The following NRXN3 variants were observed in gnomAD, a reference collection of about 807,000 sequenced individuals.
The protein encoded by NRXN3 is neurexin 3.
A neutral mutation model predicts 137.6 loss-of-function variants in NRXN3; 32 were observed. The observed-to-expected ratio is 0.23, with a 90% confidence interval of 0.18 to 0.31. The LOEUF is 0.31. NRXN3 is among the 10% of genes least tolerant of loss of function. The probability of loss-of-function intolerance (pLI) is 1.00; values close to 1 mark genes in which losing one functional copy is unlikely to be tolerated. For missense variants in NRXN3, 1,574 were observed against 2,062.5 expected (o/e 0.76, Z 4.59); for synonymous variants, 798 against 784.5 (o/e 1.02, Z -0.29).
intron 4 of NRXN3, among the ~76,000 whole-genome samples, chr14:78,488,021 A>T (rs1327843437): frequency 6.6e-6 from 1 of 152,150 alleles, no homozygotes; most frequent in East Asian, 1.9e-4. Context: ...GGAGGCTGTA[A>T]GTCTAAGACC....
At chr14:78,725,342 C>T (rs1273181495) in intron 8 of NRXN3, among the ~76,000 whole-genome samples, 1 of 152,234 alleles carries the variant, frequency 6.6e-6, no homozygotes, top group East Asian at 1.9e-4. Context: ...GATAACTGCT[C>T]TGATGTTTGT....
Position 78,709,466 on chromosome 14 carries a change from C to A in NRXN3, c.1471C>A (p.Pro491Thr). 1 of 1,614,102 alleles carries A rather than the reference C, an allele frequency of 6.2e-7. No individual in the cohort carries two copies. The highest frequency in any genetic ancestry group is 2.2e-5 in the East Asian group (1 of 44,866). ...CCTGATCCTCTTCACTCATGGAAAG[C>A]CCCAAGAGAGGAAGGATGCTCGGAG... ...NGLILFTHGK[P>T]QERKDARSQK... Residue 491 changes from proline (P) to threonine (T), a missense_variant, in exon 7 of 21, where the codon CCC becomes ACC. By Grantham distance (38) the Pro-to-Thr change is conservative (BLOSUM62 -1). This residue lies in a region of NRXN3 where 718 missense variants were observed against 887.6 expected (regional missense o/e 0.81). Transcript: ENST00000335750.
chr14:78,187,710 C>T, intron 1 of NRXN3, among the ~76,000 whole-genome samples: 1 of 151,724 alleles, frequency 6.6e-6, no homozygotes, highest in East Asian at 1.9e-4. Context: ...ATAACCTCTA[C>T]CAGGATTTTC....
intron 4 of NRXN3, among the ~76,000 whole-genome samples, chr14:78,552,838 A>G (rs1158322909): frequency 6.6e-6 from 1 of 152,230 alleles, no homozygotes; most frequent in Admixed American, 6.5e-5. Context: ...CCTTCAAAAT[A>G]GCTAGAAGAG....
intron 1 of NRXN3, among the ~76,000 whole-genome samples, chr14:78,173,221 G>T (rs984737186): frequency 2.0e-5 from 3 of 151,728 alleles, no homozygotes; most frequent in Non-Finnish European, 4.4e-5. Context: ...TTTCTATTCT[G>T]CACCCCCCTT....
At chr14:79,319,895 G>A (rs1341814613) in intron 15 of NRXN3, among the ~76,000 whole-genome samples, 3 of 152,130 alleles carry the variant, frequency 2.0e-5, no homozygotes, top group African/African-American at 7.2e-5. Flanking sequence ...GATTCTGTCT[G>A]GTTAGGATAT....
chr14:79,256,069 A>G (rs2153386741), intron 15 of NRXN3, among the ~76,000 whole-genome samples: 1 of 151,954 alleles, frequency 6.6e-6, no homozygotes, highest in Admixed American at 6.6e-5. Context: ...CCCATATTAA[A>G]TGCATTTCTT....
chr14:78,439,830 C>T (rs754455954), intron 4 of NRXN3, among the ~76,000 whole-genome samples: 3 of 152,172 alleles, frequency 2.0e-5, no homozygotes, highest in Non-Finnish European at 4.4e-5. Context: ...GAAGCGAACA[C>T]CCACAAGTAG....
chr14:79,124,431 C>G (rs534433450), intron 15 of NRXN3, among the ~76,000 whole-genome samples: 2 of 152,242 alleles, frequency 1.3e-5, no homozygotes, highest in Admixed American at 6.5e-5. Context: ...TAATCTCTGA[C>G]AGATGGAAAT....
At chr14:79,613,487 C>T (rs554091381) in intron 16 of NRXN3, among the ~76,000 whole-genome samples, 4 of 152,314 alleles carry the variant, frequency 2.6e-5, no homozygotes, top group African/African-American at 4.8e-5. Context: ...CCTTGTTTTG[C>T]ATTGTTTAGC....
At chr14:78,201,801 G>A (rs1199275210) in intron 1 of NRXN3, among the ~76,000 whole-genome samples, 5 of 152,326 alleles carry the variant, frequency 3.3e-5, no homozygotes, top group Non-Finnish European at 5.9e-5. Flanking sequence ...CAGAGACAGA[G>A]CTGTGGTGAT....
At chr14:79,418,815 G>A (rs2095534460) in intron 15 of NRXN3, among the ~76,000 whole-genome samples, 1 of 152,182 alleles carries the variant, frequency 6.6e-6, no homozygotes, top group African/African-American at 2.4e-5. Flanking sequence ...GCAGGTGACA[G>A]TAAATTGGAG....
At chr14:78,172,602 C>T (rs2058831793) in intron 1 of NRXN3, among the ~76,000 whole-genome samples, 2 of 152,078 alleles carry the variant, frequency 1.3e-5, no homozygotes, top group Admixed American at 1.3e-4. Flanking sequence ...GGCTCTTGGC[C>T]CATTTTCTGC....
At chr14:79,111,638 T>A (rs1485233762) in intron 15 of NRXN3, among the ~76,000 whole-genome samples, 1 of 151,566 alleles carries the variant, frequency 6.6e-6, no homozygotes, top group Admixed American at 6.6e-5. Flanking sequence ...ATCGGGAGAC[T>A]GAGGCAGGAG....
At chr14:79,616,846 TGAG>T (rs1389837510) in intron 16 of NRXN3, among the ~76,000 whole-genome samples, 3 of 152,146 alleles carry the variant, frequency 2.0e-5, no homozygotes, top group African/African-American at 4.8e-5. Context: ...CTTTCATAGA[TGAG>T]GAAAGTAAAG....
intron 15 of NRXN3, among the ~76,000 whole-genome samples, chr14:79,347,899 T>A (rs1391126753): frequency 6.6e-6 from 1 of 152,242 alleles, no homozygotes; most frequent in Non-Finnish European, 1.5e-5. Flanking sequence ...CGCAAATCAC[T>A]TTTGAGAGCG....
At chr14:79,568,652 C>G (rs1160500668) in intron 16 of NRXN3, among the ~76,000 whole-genome samples, 2 of 152,106 alleles carry the variant, frequency 1.3e-5, no homozygotes, top group African/African-American at 4.8e-5. Context: ...ATTAATGGAC[C>G]AAAGTTTGGT....
chr14:78,888,248 A>C (rs937551302), intron 10 of NRXN3, among the ~76,000 whole-genome samples: 93 of 152,138 alleles, frequency 6.1e-4, no homozygotes, highest in African/African-American at 1.9e-3. Flanking sequence ...CAGATGTAGG[A>C]AGTCCATGTC....
chr14:79,250,186 C>G (rs1461982432), intron 15 of NRXN3, among the ~76,000 whole-genome samples: 1 of 152,028 alleles, frequency 6.6e-6, no homozygotes, highest in African/African-American at 2.4e-5. Flanking sequence ...TCCAGAAAAT[C>G]TTAGCAAAAA....
Sources: allele counts gnomAD v4.1 joint callset (sites outside exome capture counted in the v4.1 genomes callset), GRCh38; gene constraint gnomAD v4.1.1; regional missense constraint gnomAD v4.1.1; transcripts MANE v1.5; gene names NCBI Gene and HGNC (gene_info 2026-07-23, HGNC 2026-07-21).